CTBS: variants seen among roughly 807,000 people sequenced by gnomAD.
CTBS encodes the protein chitobiase.
CTBS carries 35 observed loss-of-function variants against 44.3 expected under a neutral mutation model. The observed-to-expected ratio is 0.79, with a 90% CI of 0.60 to 1.05. The LOEUF (loss-of-function observed/expected upper bound fraction) is 1.05, where lower values mean the gene tolerates loss of function less well. CTBS is among the 50% of genes least tolerant of loss of function. CTBS has a pLI of 0.00. For missense variants in CTBS, 458 were observed against 475.3 expected (o/e 0.96, Z 0.34); for synonymous variants, 143 against 168.0 (o/e 0.85, Z 1.15).
At position 84,574,424 on chromosome 1, in the gene CTBS, G is replaced by T; in HGVS notation, c.-9C>A. The stretch of plus-strand genomic sequence containing the variant: ...AGCTGCGGCCGGGACATAGCAGCAG[G>T]TCTAGCGGGCCGGAGTGGGTTCCTA... On this transcript the variant is annotated 5_prime_UTR_variant, in exon 1 of 7. Coordinates refer to ENST00000370630, the MANE Select transcript of CTBS (RefSeq NM_004388.3). 2 of 1,528,276 alleles carry T rather than the reference G, an allele frequency of 1.3e-6. No homozygotes were observed. Among genetic ancestry groups the T allele is most frequent in the South Asian group, 1.2e-5 (1 of 81,008 alleles). 94.7% of individuals were successfully genotyped at this position (1,528,276 alleles called of 1,614,324 possible). A position where few individuals can be genotyped will look rare whatever the true frequency, so the allele number is the denominator to read the frequency against.
chr1:84,565,565 CT>C (rs1684684013), intron 4 of CTBS, among the ~76,000 whole-genome samples: 1 of 152,094 alleles, frequency 6.6e-6, no homozygotes, highest in Non-Finnish European at 1.5e-5. Flanking sequence ...CTATATAATA[CT>C]TAATAGTTAT....
chr1:84,565,669 A>G (rs1213869465), intron 4 of CTBS, among the ~76,000 whole-genome samples, 172 bp downstream of exon 4: 1 of 152,200 alleles, frequency 6.6e-6, no homozygotes, highest in Non-Finnish European at 1.5e-5. Flanking sequence ...CAAAACTTTA[A>G]AACTTTTTGT....
At chr1:84,572,858 T>C (rs948971865) in intron 1 of CTBS, among the ~76,000 whole-genome samples, 2 of 152,092 alleles carry the variant, frequency 1.3e-5, no homozygotes, top group Non-Finnish European at 1.5e-5. Context: ...TTTGTATTTT[T>C]AGTAGAGACG....
chr1:84,574,146 C>A lies in CTBS; in HGVS notation c.177+93G>T, dbSNP rs78487109. ...ATCGAGTGGTCAAAGCTGGTTTCGG[C>A]GCCCACGGCACCTCTCCTTAGGGCT... On this transcript the variant is annotated intron_variant, in intron 1 of 6. Transcript: ENST00000370630. 6.8e-3 allele frequency: 10,432 copies of A among 1,535,212 alleles called. 475 individuals are homozygous for A. The East Asian group carries it at 0.12, about 18-fold the overall frequency.
chr1:84,568,703 TA>T (rs1228878517), intron 3 of CTBS, among the ~76,000 whole-genome samples: 1 of 152,116 alleles, frequency 6.6e-6, no homozygotes, highest in Non-Finnish European at 1.5e-5. Flanking sequence ...TGGTAGGAGG[TA>T]ACTGGATTAC....
chr1:84,563,664 C>A, intron 5 of CTBS, 71 bp downstream of exon 5: 1 of 920,150 alleles, frequency 1.1e-6, no homozygotes, highest in Non-Finnish European at 1.6e-6. Flanking sequence ...TTATATATTT[C>A]TAATGAAAAC....
chr1:84,563,981 T>C (rs1684642744), intron 4 of CTBS, 149 bp from the exon 5 acceptor site: 1 of 842,030 alleles, frequency 1.2e-6, no homozygotes. Context: ...AAAACATCCC[T>C]TAAGAACCAT....
Position 84,550,023 on chromosome 1 carries a change from C to A in CTBS, c.*4976G>T, listed in dbSNP as rs1684222698. The A allele has an allele frequency of 6.6e-6, 1 of 151,796 alleles. No individual in the cohort carries two copies. The highest frequency in any genetic ancestry group is 1.5e-5 in the Non-Finnish European group (1 of 67,922). The allele number at this position is 151,796 out of a possible 1,614,324, so 9.4% of individuals were successfully genotyped here. A position where few individuals can be genotyped will look rare whatever the true frequency, so the allele number is the denominator to read the frequency against. On this transcript the variant is annotated 3_prime_UTR_variant, in exon 7 of 7. Transcript: ENST00000370630. ...CTTTTCTGGACAAAAACCAAAAAGTCTTCTTATTTTAAATAGGTTTTCTTG... is the reference window on the plus strand; with the variant it reads ...CTTTTCTGGACAAAAACCAAAAAGTATTCTTATTTTAAATAGGTTTTCTTG...
In CTBS at chr1:84,572,618, T is replaced by C. The variant is rs75586460; in HGVS notation, c.177+1621A>G. Among the ~76,000 whole-genome samples, 601 of 152,138 alleles carry C rather than the reference T, an allele frequency of 4.0e-3. 25 individuals carry two copies. The East Asian group carries it at 0.099, about 25-fold the overall frequency. On this transcript the variant is annotated intron_variant, in intron 1 of 6. Transcript: ENST00000370630. ...TTGGTTTTCAAAGTGCCCACAGATA[T>C]TGCCTAACCCACTAAGTATTGGGTA...
intron 1 of CTBS, chr1:84,573,873 A>G: frequency 3.6e-6 from 4 of 1,108,204 alleles, no homozygotes; most frequent in Non-Finnish European, 4.4e-6. Context: ...GATTCTTTCA[A>G]ACGAAATCCT....
intron 6 of CTBS, among the ~76,000 whole-genome samples, chr1:84,561,613 T>G (rs1684595124): frequency 6.6e-6 from 1 of 152,210 alleles, no homozygotes; most frequent in African/African-American, 2.4e-5. Flanking sequence ...CAGAAATCTT[T>G]CGTGAAAGGA....
intron 6 of CTBS, among the ~76,000 whole-genome samples, chr1:84,557,570 A>G (rs1402745259): frequency 6.8e-6 from 1 of 147,238 alleles, no homozygotes; most frequent in Non-Finnish European, 1.5e-5. Flanking sequence ...AAAAAAAAGA[A>G]GGAGGCTGGG....
At chr1:84,558,511 T>G (rs1168404631) in intron 6 of CTBS, among the ~76,000 whole-genome samples, 1 of 150,932 alleles carries the variant, frequency 6.6e-6, no homozygotes, top group Non-Finnish European at 1.5e-5. Flanking sequence ...CGGGATGGTC[T>G]CGATCTCCTG....
In CTBS at chr1:84,550,902, A is replaced by T. The variant is rs1179347188; in HGVS notation, c.*4097T>A. 8 of 977,434 alleles carry T rather than the reference A, an allele frequency of 8.2e-6. No homozygotes were observed. The highest frequency in any genetic ancestry group is 9.7e-6 in the Non-Finnish European group (8 of 822,768). 60.5% of individuals were successfully genotyped at this position (977,434 alleles called of 1,614,324 possible). A position where few individuals can be genotyped will look rare whatever the true frequency, so the allele number is the denominator to read the frequency against. On this transcript the variant is annotated 3_prime_UTR_variant, in exon 7 of 7. Transcript: ENST00000370630. ...AACTGACATTTAATTTTTTATGGGTAATCGTTTCATTTTTTCTGGTTATTT... is the reference window on the plus strand; with the variant it reads ...AACTGACATTTAATTTTTTATGGGTTATCGTTTCATTTTTTCTGGTTATTT...
rs1045989452 is a variant in CTBS at position 84,554,419 on chromosome 1, C to T, written c.*580G>A. ...AATCTTCTGGATTCTTTTTAATTCT[C>T]ACTCACTGTCCAAAGATTTAGTTCA... On this transcript the variant is annotated 3_prime_UTR_variant, in exon 7 of 7. Transcript: ENST00000370630. 7.2e-5 allele frequency: 11 copies of T among 152,152 alleles called. No individual in the cohort carries two copies. The highest frequency in any genetic ancestry group is 2.7e-4 in the African/African-American group (11 of 41,404). The allele number at this position is 152,152 out of a possible 1,614,324, so 9.4% of individuals were successfully genotyped here.
chr1:84,573,922 T>C (rs1647389536), intron 1 of CTBS: 2 of 1,259,454 alleles, frequency 1.6e-6, no homozygotes, highest in Non-Finnish European at 2.0e-6. Flanking sequence ...CTACCTTGTT[T>C]GCTTTTTACA....
At chr1:84,574,136 C>T (rs773940778) in intron 1 of CTBS, 103 bp downstream of exon 1, 38 of 1,532,262 alleles carry the variant, frequency 2.5e-5, no homozygotes, top group Middle Eastern at 3.4e-4. Flanking sequence ...GTGGTCAAAG[C>T]TGGTTTCGGC....
chr1:84,573,073 AT>A (rs1443657812), intron 1 of CTBS, among the ~76,000 whole-genome samples: 1 of 152,182 alleles, frequency 6.6e-6, no homozygotes, highest in Non-Finnish European at 1.5e-5. Flanking sequence ...TTGGGAGGCC[AT>A]TATGCTGAAA....
chr1:84,554,962 T>C lies in CTBS; in HGVS notation c.*37A>G, dbSNP rs1684385339. On this transcript the variant is annotated 3_prime_UTR_variant, in exon 7 of 7. Coordinates refer to ENST00000370630, the MANE Select transcript of CTBS (RefSeq NM_004388.3). ...AAGAAACTAGATCTGTTGATACAGA[T>C]CATCTTTCTAACTCTTAATGGTTTG... The C allele has an allele frequency of 6.5e-7, 1 of 1,545,116 alleles. No homozygotes were observed. The highest frequency in any genetic ancestry group is 1.1e-5 in the South Asian group (1 of 88,922).
Sources: allele counts gnomAD v4.1 joint callset (sites outside exome capture counted in the v4.1 genomes callset), GRCh38; gene constraint gnomAD v4.1.1; transcripts MANE v1.5; gene names NCBI Gene and HGNC (gene_info 2026-07-23, HGNC 2026-07-21).